ANK3: variants seen among roughly 807,000 people sequenced by gnomAD.
ANK3 encodes ankyrin-3.
ANK3 carries 57 observed loss-of-function variants against 370.9 expected under a neutral mutation model. The ratio of observed to expected loss-of-function variants is 0.15; its 90% CI spans 0.12 to 0.19. The LOEUF is 0.19. Ranked by LOEUF, ANK3 falls within the 10% of genes least tolerant of loss-of-function variation. ANK3 has a pLI of 1.00. For synonymous variants in ANK3, 1,929 were observed against 1,946.3 expected (o/e 0.99, Z 0.23); for missense variants, 4,439 against 5,302.1 (o/e 0.84, Z 5.06).
intron 1 of ANK3, among the ~76,000 whole-genome samples, chr10:60,654,859 C>T (rs953006255): frequency 6.6e-6 from 1 of 152,108 alleles, no homozygotes; most frequent in Non-Finnish European, 1.5e-5. Flanking sequence ...ATTATTATCC[C>T]TCTTTTAAAT....
rs552270931 is a variant in ANK3, at chr10:60,713,809, G to C, written c.57+19454C>G. Among the ~76,000 whole-genome samples the C allele has an allele frequency of 4.6e-5, 7 of 152,116 alleles. No individual in the cohort carries two copies. In the East Asian group the frequency reaches 1.4e-3, roughly 29 times the overall value. On this transcript the variant is annotated intron_variant, in intron 1 of 43. Coordinates refer to the ANK3 transcript ENST00000373827. ...GGAGGCTGAGGCAAGAGAATCACTTGAACCTGGGAGGCAGAGGCTACAGTG... is the reference window on the plus strand; with the variant it reads ...GGAGGCTGAGGCAAGAGAATCACTTCAACCTGGGAGGCAGAGGCTACAGTG...
chr10:60,728,136 C>T (rs1365796157), intron 1 of ANK3, among the ~76,000 whole-genome samples: 1 of 152,064 alleles, frequency 6.6e-6, no homozygotes, highest in African/African-American at 2.4e-5. Context: ...GGACATTTTA[C>T]CAGCCTACCA....
In ANK3 at chr10:60,460,109, C is replaced by A. The variant is rs146353933; in HGVS notation, c.96+155077G>T. On this transcript the variant is annotated intron_variant, in intron 2 of 43. Transcript: ENST00000373827. Reference sequence around the variant, plus strand: ...ACACCACCAATTCCTTTGAGCACACCCACATGAAATTCCCTATTCCTGAGC... The same window carrying A: ...ACACCACCAATTCCTTTGAGCACACACACATGAAATTCCCTATTCCTGAGC... Among the ~76,000 whole-genome samples the A allele has an allele frequency of 1.3e-4, 20 of 152,218 alleles. No homozygotes were observed. The East Asian group carries it at 3.9e-3, about 29-fold the overall frequency.
chr10:60,391,655 T>C (rs936087878), upstream of ANK3, among the ~76,000 whole-genome samples: 7 of 152,240 alleles, frequency 4.6e-5, no homozygotes, highest in African/African-American at 1.7e-4. Flanking sequence ...ACGCTAATGA[T>C]ACTTTAAAAT....
chr10:60,081,309 T>C (rs2132003850), intron 35 of ANK3, among the ~76,000 whole-genome samples: 1 of 152,292 alleles, frequency 6.6e-6, no homozygotes, highest in East Asian at 1.9e-4. Flanking sequence ...GGTGTCGAAC[T>C]CCTGACCTCA....
intron 2 of ANK3, among the ~76,000 whole-genome samples, chr10:60,584,656 A>C (rs2077805924): frequency 6.6e-6 from 1 of 152,188 alleles, no homozygotes; most frequent in African/African-American, 2.4e-5. Flanking sequence ...GAAGAGCATC[A>C]AAGTGTACAA....
chr10:60,367,868 C>A (rs1269907642), intron 1 of ANK3, among the ~76,000 whole-genome samples: 2 of 152,180 alleles, frequency 1.3e-5, no homozygotes, highest in Non-Finnish European at 2.9e-5. Context: ...TATTATAATT[C>A]TCTTGATCCC....
chr10:60,667,250 G>A (rs1416386973), intron 1 of ANK3, among the ~76,000 whole-genome samples: 1 of 148,234 alleles, frequency 6.7e-6, no homozygotes, highest in Non-Finnish European at 1.5e-5. Flanking sequence ...AAGTGTAAGA[G>A]CCACCCCATT....
In ANK3 at chr10:60,196,040, G is replaced by A. The variant is rs926035280; in HGVS notation, c.1887+105C>T. 29 of 919,842 alleles carry A rather than the reference G, an allele frequency of 3.2e-5. No homozygotes were observed. The South Asian group carries it at 4.6e-4, about 15-fold the overall frequency. 57.0% of individuals were successfully genotyped at this position (919,842 alleles called of 1,614,324 possible). A position where few individuals can be genotyped will look rare whatever the true frequency, so the allele number is the denominator to read the frequency against. Reference sequence around the variant, plus strand: ...CTTCTATTTCTGTGATTTTTTAGTGGTGCCTAAACTAGGAGGGTGCTCCTG... The same window carrying A: ...CTTCTATTTCTGTGATTTTTTAGTGATGCCTAAACTAGGAGGGTGCTCCTG... On this transcript the variant is annotated intron_variant, in intron 16 of 43. Coordinates refer to ENST00000280772, the MANE Select transcript of ANK3 (RefSeq NM_020987.5).
intron 2 of ANK3, among the ~76,000 whole-genome samples, chr10:60,492,736 AG>A (rs2075549551): frequency 1.6e-5 from 2 of 127,186 alleles, no homozygotes; most frequent in African/African-American, 5.9e-5. Flanking sequence ...AAAGAAAGAA[AG>A]AAAAAAAAAA....
intron 25 of ANK3, among the ~76,000 whole-genome samples, chr10:60,131,109 G>A (rs1182384931): frequency 6.6e-6 from 1 of 152,150 alleles, no homozygotes; most frequent in Admixed American, 6.5e-5. Context: ...TATTCTCTGA[G>A]TAGGTCCAAT....
chr10:60,642,254 C>T (rs1464768164), intron 1 of ANK3, among the ~76,000 whole-genome samples: 3 of 151,114 alleles, frequency 2.0e-5, no homozygotes, highest in Non-Finnish European at 3.0e-5. Flanking sequence ...ACTAGAAATA[C>T]CATTTGACCC....
chr10:60,235,509 G>A (rs928216341), intron 7 of ANK3, among the ~76,000 whole-genome samples: 3 of 150,610 alleles, frequency 2.0e-5, no homozygotes, highest in African/African-American at 4.9e-5. Flanking sequence ...AGACTGTCAA[G>A]GAAATGTACG....
At chr10:60,715,324 G>A (rs927314869) in intron 1 of ANK3, among the ~76,000 whole-genome samples, 3 of 151,660 alleles carry the variant, frequency 2.0e-5, no homozygotes, top group African/African-American at 7.3e-5. Context: ...CCCACAAAAT[G>A]CCTGGCACAA....
rs192839623 is a variant in ANK3, at chr10:60,421,371, G to A, written c.97-141732C>T. ...TACAATAAAAAAGTGGAGAAAAAAG[G>A]GAAAGTCTTAATAAACGTGGGGGAG... is the stretch of plus-strand genomic sequence containing the variant. On this transcript the variant is annotated intron_variant, in intron 2 of 43. Transcript: ENST00000373827. 2.6e-5 allele frequency among the ~76,000 whole-genome samples: 4 copies of A among 152,082 alleles called. No homozygotes were observed. The East Asian group carries it at 7.7e-4, about 29-fold the overall frequency.
chr10:60,729,894 T>A (rs1008737127), intron 1 of ANK3, among the ~76,000 whole-genome samples: 3 of 152,116 alleles, frequency 2.0e-5, no homozygotes, highest in Admixed American at 2.0e-4. Context: ...ACAAATTACT[T>A]CTATTTTGGT....
At chr10:60,243,703 T>C (rs1178471945) in intron 7 of ANK3, among the ~76,000 whole-genome samples, 3 of 152,230 alleles carry the variant, frequency 2.0e-5, no homozygotes, top group Non-Finnish European at 4.4e-5. Flanking sequence ...ATATTATTTG[T>C]ATTACTTATT....
chr10:60,701,131 A>G (rs1472172578), intron 1 of ANK3, among the ~76,000 whole-genome samples: 1 of 152,096 alleles, frequency 6.6e-6, no homozygotes, highest in Non-Finnish European at 1.5e-5. Flanking sequence ...AATTGCTCTT[A>G]CTTATATGAA....
At chr10:60,694,160 T>A (rs904537913) in intron 1 of ANK3, among the ~76,000 whole-genome samples, 1 of 151,808 alleles carries the variant, frequency 6.6e-6, no homozygotes, top group Non-Finnish European at 1.5e-5. Context: ...TGATGGAAGA[T>A]GAAATGAATG....
Sources: allele counts gnomAD v4.1 joint callset (sites outside exome capture counted in the v4.1 genomes callset), GRCh38; gene constraint gnomAD v4.1.1; transcripts MANE v1.5; gene names NCBI Gene and HGNC (gene_info 2026-07-23, HGNC 2026-07-21).